Variants in FRMD4A observed in about 807,000 individuals in gnomAD.
FRMD4A encodes FERM domain-containing protein 4A.
A neutral mutation model predicts 129.1 loss-of-function variants in FRMD4A; 29 were observed. The ratio of observed to expected loss-of-function variants is 0.22; its 90% CI spans 0.17 to 0.31. The LOEUF is 0.31. Among genes scored for constraint, FRMD4A ranks in the 10% least tolerant of loss-of-function variants. FRMD4A has a pLI of 1.00. For missense variants in FRMD4A, 1,272 were observed against 1,375.8 expected, an observed-to-expected ratio of 0.92 and a Z score of 1.19; for synonymous variants, 634 against 571.6, an observed-to-expected ratio of 1.11 and a Z score of -1.56.
chr10:14,216,091 A>G (rs1156401438), intron 2 of FRMD4A, among the ~76,000 whole-genome samples: 2 of 152,070 alleles, frequency 1.3e-5, no homozygotes, highest in Non-Finnish European at 2.9e-5. Context: ...TTTGGACGGG[A>G]ACTCTATGTC....
intron 2 of FRMD4A, among the ~76,000 whole-genome samples, chr10:14,227,243 C>CTTCTTTT (rs1843472732): frequency 1.6e-5 from 1 of 64,100 alleles, no homozygotes; most frequent in Non-Finnish European, 2.7e-5. Flanking sequence ...TCTTCTTCTT[C>CTTCTTTT]TTTTTTTTTT....
chr10:13,680,648 C>A (rs911527738), intron 15 of FRMD4A, among the ~76,000 whole-genome samples: 2 of 152,096 alleles, frequency 1.3e-5, no homozygotes, highest in African/African-American at 4.8e-5. Flanking sequence ...ATCGCTTGAA[C>A]CTCGGAGGCG....
At chr10:14,187,533 C>G in intron 2 of FRMD4A, among the ~76,000 whole-genome samples, 1 of 152,214 alleles carries the variant, frequency 6.6e-6, no homozygotes, top group East Asian at 1.9e-4. Flanking sequence ...CCATGCCTTT[C>G]TCCATTTACC....
At chr10:14,133,558 A>G (rs955007243) in intron 2 of FRMD4A, among the ~76,000 whole-genome samples, 15 of 152,328 alleles carry the variant, frequency 9.8e-5, no homozygotes, top group South Asian at 6.2e-4. Flanking sequence ...CTGAGCCTGC[A>G]GGACCTCAGA....
At chr10:13,950,783 A>C (rs2095365451) in intron 2 of FRMD4A, among the ~76,000 whole-genome samples, 1 of 151,690 alleles carries the variant, frequency 6.6e-6, no homozygotes, top group Non-Finnish European at 1.5e-5. Context: ...CTTTTTCCTC[A>C]TTTGGGTTTC....
At chr10:13,703,144 T>C (rs1376007433) in intron 13 of FRMD4A, among the ~76,000 whole-genome samples, 1 of 152,126 alleles carries the variant, frequency 6.6e-6, no homozygotes, top group Non-Finnish European at 1.5e-5. Context: ...AACAGTATCT[T>C]GAAAGGTGGT....
intron 12 of FRMD4A, among the ~76,000 whole-genome samples, chr10:13,731,762 G>A (rs1250764423): frequency 6.6e-6 from 1 of 152,046 alleles, no homozygotes; most frequent in Non-Finnish European, 1.5e-5. Context: ...TTCTGGGGGA[G>A]GTGCATGCAT....
intron 2 of FRMD4A, among the ~76,000 whole-genome samples, chr10:13,940,932 T>A (rs1324389653): frequency 1.3e-5 from 2 of 152,198 alleles, no homozygotes; most frequent in African/African-American, 4.8e-5. Flanking sequence ...CTAGGATTCA[T>A]TCTCTACTCT....
chr10:13,946,491 T>C (rs1287055029), intron 2 of FRMD4A, among the ~76,000 whole-genome samples: 1 of 152,254 alleles, frequency 6.6e-6, no homozygotes, highest in Non-Finnish European at 1.5e-5. Context: ...GTCATGTACA[T>C]GTGTCTTTTA....
chr10:13,811,363 C>G (rs939929998), intron 3 of FRMD4A, among the ~76,000 whole-genome samples: 2 of 150,666 alleles, frequency 1.3e-5, no homozygotes, highest in African/African-American at 4.9e-5. Flanking sequence ...TAACTCCTGG[C>G]TTCAAGTGAT....
At chr10:14,312,710 C>T (rs1288311444) in intron 2 of FRMD4A, among the ~76,000 whole-genome samples, 1 of 150,512 alleles carries the variant, frequency 6.6e-6, no homozygotes, top group Non-Finnish European at 1.5e-5. Context: ...AAAAAAAATA[C>T]AAAAAATTAG....
intron 2 of FRMD4A, among the ~76,000 whole-genome samples, chr10:14,143,605 T>G (rs571292575): frequency 1.9e-4 from 29 of 152,204 alleles, no homozygotes; most frequent in East Asian, 3.9e-4. Context: ...ACAATAGTTT[T>G]TTGTTGTTGT....
intron 2 of FRMD4A, among the ~76,000 whole-genome samples, chr10:13,937,798 T>C (rs2095260618): frequency 6.6e-6 from 1 of 152,256 alleles, no homozygotes; most frequent in South Asian, 2.1e-4. Context: ...TTCGCAAGCA[T>C]TTATCAGTAG....
At chr10:13,915,233 G>A (rs994341475) in intron 2 of FRMD4A, among the ~76,000 whole-genome samples, 1 of 152,184 alleles carries the variant, frequency 6.6e-6, no homozygotes, top group Non-Finnish European at 1.5e-5. Context: ...TGAAGGGAAT[G>A]GTGATGTCTA....
chr10:13,806,534 C>G (rs1049602470), intron 4 of FRMD4A, among the ~76,000 whole-genome samples: 2 of 152,150 alleles, frequency 1.3e-5, no homozygotes, highest in Non-Finnish European at 2.9e-5. Context: ...TGAGTCGTTG[C>G]TAGACCCCAA....
At chr10:13,780,600 A>C (rs1200809995) in intron 6 of FRMD4A, among the ~76,000 whole-genome samples, 1 of 152,236 alleles carries the variant, frequency 6.6e-6, no homozygotes, top group African/African-American at 2.4e-5. Context: ...ACTAGTCTAC[A>C]GGGAAACGCA....
At chr10:14,159,867 T>C (rs537764679) in intron 2 of FRMD4A, among the ~76,000 whole-genome samples, 2 of 152,218 alleles carry the variant, frequency 1.3e-5, no homozygotes, top group Admixed American at 6.5e-5. Flanking sequence ...CTGGGTAATA[T>C]GGTGAAACCC....
intron 2 of FRMD4A, among the ~76,000 whole-genome samples, chr10:14,187,189 T>C (rs560459497): frequency 1.3e-5 from 2 of 152,096 alleles, no homozygotes; most frequent in South Asian, 2.1e-4. Context: ...GGCGACACTC[T>C]TCCTTATAAC....
intron 2 of FRMD4A, among the ~76,000 whole-genome samples, chr10:14,254,062 G>T (rs1362438392): frequency 6.6e-6 from 1 of 152,190 alleles, no homozygotes; most frequent in African/African-American, 2.4e-5. Flanking sequence ...ACTGGCTCAA[G>T]GGAAAATGCT....
Sources: allele counts gnomAD v4.1 joint callset (sites outside exome capture counted in the v4.1 genomes callset), GRCh38; gene constraint gnomAD v4.1.1; transcripts MANE v1.5; gene names NCBI Gene and HGNC (gene_info 2026-07-23, HGNC 2026-07-21).